The following KDM6A variants were observed in gnomAD, a reference collection of about 807,000 sequenced individuals.
KDM6A encodes lysine demethylase 6A, also known as lysine-specific demethylase 6A.
KDM6A carries 11 observed loss-of-function variants against 117.6 expected under a neutral mutation model. That is an observed-to-expected ratio of 0.09 (90% CI 0.06 to 0.15). The LOEUF is 0.15. Among genes scored for constraint, KDM6A ranks in the 10% least tolerant of loss-of-function variants. The pLI is 1.00. For missense variants in KDM6A, 799 were observed against 1,077.3 expected, an observed-to-expected ratio of 0.74 and a Z score of 3.62; for synonymous variants, 384 against 396.1, an observed-to-expected ratio of 0.97 and a Z score of 0.36.
intron 2 of KDM6A, among the ~76,000 whole-genome samples, chrX:44,920,525 G>A (rs1033780546): frequency 1.6e-4 from 18 of 109,226 alleles, no homozygotes; most frequent in African/African-American, 5.3e-4. Context: ...TGCAAGCTCC[G>A]CCTCCCGGGT....
At position 44,873,859 on chromosome X, in the gene KDM6A, T is replaced by A. The variant is rs777005216; in HGVS notation, c.162-65T>A. 3.9e-5 allele frequency: 46 copies of A among 1,169,760 alleles called. No individual in the cohort carries two copies. The East Asian group carries it at 1.3e-3, about 34-fold the overall frequency. Reference sequence around the variant, plus strand: ...CGCCGCCTCCGCTGGGGCCTCGGGCTCGGGCAGGGACGGGTCGGTGGCGTT... The same window carrying A: ...CGCCGCCTCCGCTGGGGCCTCGGGCACGGGCAGGGACGGGTCGGTGGCGTT... On this transcript the variant is annotated intron_variant, in intron 1 of 29. Coordinates refer to ENST00000611820, the MANE Select transcript of KDM6A (RefSeq NM_001291415.2).
chrX:45,041,419 G>A (rs1416132062), intron 8 of KDM6A, among the ~76,000 whole-genome samples: 1 of 102,265 alleles, frequency 9.8e-6, no homozygotes, highest in African/African-American at 3.8e-5. Context: ...GCAGCTGGCC[G>A]GGCGGGGACT....
chrX:44,903,177 A>C (rs2034457704), intron 2 of KDM6A, among the ~76,000 whole-genome samples: 1 of 112,110 alleles, frequency 8.9e-6, no homozygotes, highest in Non-Finnish European at 1.9e-5. Flanking sequence ...TTTCCTAGTG[A>C]CAAATTCAGT....
At chrX:45,111,332 G>T (rs1159237551) in intron 29 of KDM6A, 50 bp from the exon 30 acceptor site, 1 of 999,470 alleles carries the variant, frequency 1.0e-6, no homozygotes, top group Non-Finnish European at 1.4e-6. Context: ...GTAGCCATGA[G>T]CTATTAACAA....
At chrX:44,895,127 A>G (rs1422605573) in intron 2 of KDM6A, among the ~76,000 whole-genome samples, 2 of 100,680 alleles carry the variant, frequency 2.0e-5, no homozygotes, top group Non-Finnish European at 2.0e-5. Context: ...TATTTTAGAG[A>G]CAGAGTCTCG....
At chrX:44,979,821 C>A (rs2039798906) in intron 4 of KDM6A, among the ~76,000 whole-genome samples, 1 of 109,788 alleles carries the variant, frequency 9.1e-6, no homozygotes, top group Admixed American at 9.8e-5. Flanking sequence ...CTTTGAAAAT[C>A]TAGCATTTCT....
intron 18 of KDM6A, among the ~76,000 whole-genome samples, chrX:45,073,831 T>A (rs2044981150): frequency 8.9e-6 from 1 of 112,104 alleles, no homozygotes; most frequent in Non-Finnish European, 1.9e-5. Context: ...GGTTGCCTGT[T>A]CACTCTGATG....
intron 2 of KDM6A, among the ~76,000 whole-genome samples, chrX:44,950,415 A>T (rs1468916741): frequency 8.9e-6 from 1 of 112,161 alleles, no homozygotes; most frequent in African/African-American, 3.2e-5. Context: ...TTAAAAGATC[A>T]TTTAAGGCTT....
At chrX:45,078,172 C>T (rs1253576125) in intron 19 of KDM6A, among the ~76,000 whole-genome samples, 3 of 112,010 alleles carry the variant, frequency 2.7e-5, no homozygotes, top group East Asian at 2.8e-4. Flanking sequence ...AGTTTCATTT[C>T]TCCTACATAT....
intron 4 of KDM6A, among the ~76,000 whole-genome samples, chrX:44,997,582 C>T (rs2040924617): frequency 9.0e-6 from 1 of 111,629 alleles, no homozygotes; most frequent in Non-Finnish European, 1.9e-5. Flanking sequence ...GCAGAAGTGC[C>T]TGTCTTCACT....
chrX:45,008,360 C>T (rs934017848), intron 4 of KDM6A, among the ~76,000 whole-genome samples: 2 of 110,255 alleles, frequency 1.8e-5, no homozygotes, highest in African/African-American at 3.3e-5. Context: ...GGCGACAGAG[C>T]GAAACTCCAT....
At chrX:45,050,399 C>T (rs1324952706) in intron 8 of KDM6A, among the ~76,000 whole-genome samples, 1 of 112,074 alleles carries the variant, frequency 8.9e-6, no homozygotes, top group Admixed American at 9.4e-5. Flanking sequence ...TCAAATCTTC[C>T]TTATGTTAGC....
At position 45,112,649 on chromosome X, in the gene KDM6A, A is replaced by G. The variant is rs947079115; in HGVS notation, c.*1238A>G. ...AAATAGTGATTGAACTTAAGATTTT[A>G]AAGGGACTGTTATATGGGCTTGACA... On this transcript the variant is annotated 3_prime_UTR_variant, in exon 30 of 30. Transcript: ENST00000611820. 6 of 126,893 alleles carry G rather than the reference A, an allele frequency of 4.7e-5. No individual in the cohort carries two copies. The highest frequency in any genetic ancestry group is 1.8e-4 in the Admixed American group (2 of 10,837). 10.5% of individuals were successfully genotyped at this position (126,893 alleles called of 1,213,427 possible).
chrX:45,041,296 G>A (rs866852291), intron 8 of KDM6A, among the ~76,000 whole-genome samples: 2,033 of 84,925 alleles, frequency 0.024, 109 homozygotes, highest in African/African-American at 0.093. Flanking sequence ...CTGGCCGGGC[G>A]GGGGGCTGAC....
chrX:45,058,517 T>A (rs1254618491), intron 10 of KDM6A, among the ~76,000 whole-genome samples: 1 of 111,597 alleles, frequency 9.0e-6, no homozygotes, highest in African/African-American at 3.2e-5. Context: ...GCATTTTTTT[T>A]ATGAATTAAA....
chrX:45,007,300 G>T (rs2041545547), intron 4 of KDM6A, among the ~76,000 whole-genome samples: 1 of 111,909 alleles, frequency 8.9e-6, no homozygotes. Flanking sequence ...GTTTTCATGG[G>T]AAATGATACA....
chrX:45,056,879 T>G (rs1179046000), intron 10 of KDM6A, among the ~76,000 whole-genome samples: 1 of 111,838 alleles, frequency 8.9e-6, no homozygotes, highest in Non-Finnish European at 1.9e-5. Context: ...TGGCTTTGAT[T>G]TCACAACAAC....
Position 44,928,453 on chromosome X carries a change from G to A in KDM6A, c.226-32831G>A, listed in dbSNP as rs143029919. ...CAGAAACAAACATCCGACGATGGGGGTTTAATGAGATTCCAGTATGTAAAA... is the reference window on the plus strand; with the variant it reads ...CAGAAACAAACATCCGACGATGGGGATTTAATGAGATTCCAGTATGTAAAA... On this transcript the variant is annotated intron_variant, in intron 2 of 29. Transcript: ENST00000611820. Among the ~76,000 whole-genome samples, 771 of 111,715 alleles carry A rather than the reference G, an allele frequency of 6.9e-3. 8 individuals are homozygous for A. Among genetic ancestry groups the A allele is most frequent in the African/African-American group, 0.023 (720 of 30,747 alleles).
intron 6 of KDM6A, among the ~76,000 whole-genome samples, chrX:45,030,741 ACT>A (rs916859416): frequency 6.3e-4 from 70 of 110,676 alleles, no homozygotes; most frequent in African/African-American, 2.3e-3. Context: ...ACAAAATCTC[ACT>A]CTGTCGCCCA....
Sources: gnomAD v4.1 joint callset for allele counts (sites outside exome capture counted in the v4.1 genomes callset) on GRCh38, gnomAD v4.1.1 for gene constraint, MANE v1.5 for transcripts, NCBI Gene and HGNC (gene_info 2026-07-23, HGNC 2026-07-21) for gene names.